DLG1: variants seen among roughly 807,000 people sequenced by gnomAD.
The protein encoded by DLG1 is discs large MAGUK scaffold protein 1.
In DLG1, 42 loss-of-function variants were observed where a neutral mutation model predicts 123.4. The observed-to-expected ratio is 0.34, with a 90% CI of 0.27 to 0.44. The LOEUF is 0.44. DLG1 is among the 20% of genes least tolerant of loss of function. DLG1 has a pLI of 1.00. For missense variants in DLG1, 942 were observed against 1,082.6 expected, an observed-to-expected ratio of 0.87 and a Z score of 1.82; for synonymous variants, 317 against 356.2, an observed-to-expected ratio of 0.89 and a Z score of 1.24.
intron 5 of DLG1, among the ~76,000 whole-genome samples, chr3:197,180,521 T>C (rs1003446375): frequency 1.3e-5 from 2 of 152,172 alleles, no homozygotes; most frequent in African/African-American, 4.8e-5. Context: ...CTGAAAAAGT[T>C]TCACCAATGT....
chr3:197,176,429 C>CTT (rs1283620585), intron 5 of DLG1, among the ~76,000 whole-genome samples: 1 of 152,106 alleles, frequency 6.6e-6, no homozygotes, highest in Non-Finnish European at 1.5e-5. Flanking sequence ...TACAGAATGG[C>CTT]TTTACTGTCC....
In DLG1 at chr3:197,136,606, T is replaced by C; in HGVS notation, c.956A>G (p.Lys319Arg). Residue 319 changes from lysine to arginine, a missense_variant, in exon 10 of 25, where the codon AAA (lysine) becomes AGA (arginine). Transcript: ENST00000667157. ...IPGDNSIYVTKIIEGGAAHKD... is the reference protein window; with the variant it reads ...IPGDNSIYVTRIIEGGAAHKD... The stretch of plus-strand genomic sequence containing the variant: ...ATGTGCTGCACCTCCTTCAATTATT[T>C]TGGTTACATAGATGCTATTATCCCC... The C allele has an allele frequency of 6.2e-7, 1 of 1,613,702 alleles. No individual in the cohort carries two copies. Among genetic ancestry groups the C allele is most frequent in the Non-Finnish European group, 8.5e-7 (1 of 1,179,778 alleles).
intron 5 of DLG1, among the ~76,000 whole-genome samples, chr3:197,169,381 T>A (rs111270647): frequency 9.9e-5 from 15 of 151,562 alleles, no homozygotes; most frequent in African/African-American, 3.7e-4. Flanking sequence ...ATTGGTGGCT[T>A]AAACTGAATG....
chr3:197,127,154 G>A (rs1779520143), intron 11 of DLG1, among the ~76,000 whole-genome samples: 1 of 151,770 alleles, frequency 6.6e-6, no homozygotes, highest in Admixed American at 6.6e-5. Context: ...CAGGTGCGGT[G>A]GCTCACGCCT....
intron 23 of DLG1, 41 bp downstream of exon 23, chr3:197,059,847 GA>G (rs1198190802): frequency 7.3e-7 from 1 of 1,361,668 alleles, no homozygotes; most frequent in Admixed American, 1.7e-5. Flanking sequence ...TACAGTGACT[GA>G]ATTTGTACAC....
chr3:197,056,942 G>T (rs1346969051), intron 23 of DLG1, among the ~76,000 whole-genome samples: 1 of 152,192 alleles, frequency 6.6e-6, no homozygotes, highest in Non-Finnish European at 1.5e-5. Flanking sequence ...GTACTTGTGA[G>T]ATTCTTCTAT....
At chr3:197,054,336 C>CCG (rs1730128309) in intron 23 of DLG1, among the ~76,000 whole-genome samples, 1 of 146,884 alleles carries the variant, frequency 6.8e-6, no homozygotes, top group Non-Finnish European at 1.5e-5. Context: ...TCTGCCTTCT[C>CCG]TCTATTCTCC....
At chr3:197,227,762 A>G (rs1433223556) in intron 4 of DLG1, among the ~76,000 whole-genome samples, 1 of 152,200 alleles carries the variant, frequency 6.6e-6, no homozygotes, top group South Asian at 2.1e-4. Context: ...ATGTAATTGT[A>G]TAAGGGGTGA....
intron 4 of DLG1, among the ~76,000 whole-genome samples, chr3:197,241,040 C>T (rs982202525): frequency 6.6e-6 from 1 of 151,758 alleles, no homozygotes; most frequent in Non-Finnish European, 1.5e-5. Context: ...TGTAAATATC[C>T]TAGTACAGGA....
intron 4 of DLG1, among the ~76,000 whole-genome samples, chr3:197,231,512 G>A (rs943283563): frequency 6.6e-6 from 1 of 151,910 alleles, no homozygotes; most frequent in African/African-American, 2.4e-5. Flanking sequence ...ACCAGCTTGG[G>A]CAACAGAGCG....
chr3:197,273,714 C>G (rs900166335), intron 4 of DLG1, among the ~76,000 whole-genome samples: 1 of 151,810 alleles, frequency 6.6e-6, no homozygotes, highest in Non-Finnish European at 1.5e-5. Context: ...AAAGGGGGGA[C>G]TTGTAAATAA....
At chr3:197,079,463 T>G (rs913535991) in intron 17 of DLG1, among the ~76,000 whole-genome samples, 1 of 152,190 alleles carries the variant, frequency 6.6e-6, no homozygotes, top group Non-Finnish European at 1.5e-5. Flanking sequence ...ATGCATAGTT[T>G]TGGTGCTGTG....
intron 23 of DLG1, among the ~76,000 whole-genome samples, 164 bp from the exon 24 acceptor site, chr3:197,051,832 AATT>A (rs1727956425): frequency 7.4e-6 from 1 of 135,846 alleles, no homozygotes; most frequent in Non-Finnish European, 1.6e-5. Context: ...CATTTCTGGG[AATT>A]TTTTTTTTTT....
intron 6 of DLG1, 117 bp from the exon 7 acceptor site, chr3:197,142,885 A>C: frequency 1.4e-6 from 1 of 699,830 alleles, no homozygotes. Flanking sequence ...GTAATCAAAC[A>C]CAATAGCTTC....
intron 4 of DLG1, among the ~76,000 whole-genome samples, chr3:197,243,790 A>G (rs1359258809): frequency 4.6e-5 from 7 of 152,206 alleles, no homozygotes; most frequent in Non-Finnish European, 8.8e-5. Flanking sequence ...CCAGAATAAC[A>G]TGGACTCAGA....
At chr3:197,066,571 G>A in intron 20 of DLG1, 133 bp downstream of exon 20, 1 of 513,858 alleles carries the variant, frequency 1.9e-6, no homozygotes, top group Non-Finnish European at 3.5e-6. Context: ...AACACATGTA[G>A]TAAATTTCTA....
intron 4 of DLG1, among the ~76,000 whole-genome samples, chr3:197,208,113 GA>G (rs58523246): frequency 0.52 from 71,993 of 139,514 alleles, 21,812 homozygotes; most frequent in East Asian, 0.78. Context: ...ACAATTTAGA[GA>G]AAAAAAAAAA....
chr3:197,208,332 A>AATTTAT (rs1729668989), intron 4 of DLG1, among the ~76,000 whole-genome samples: 3 of 146,664 alleles, frequency 2.0e-5, no homozygotes, highest in African/African-American at 7.3e-5. Context: ...CTACCTCTAT[A>AATTTAT]AAAGGACAAT....
chr3:197,214,215 A>T (rs759255163), intron 4 of DLG1, among the ~76,000 whole-genome samples: 4 of 152,174 alleles, frequency 2.6e-5, no homozygotes, highest in Non-Finnish European at 5.9e-5. Flanking sequence ...TAGATCACAG[A>T]CCTAAATATA....
Sources: allele counts gnomAD v4.1 joint callset (sites outside exome capture counted in the v4.1 genomes callset), GRCh38; gene constraint gnomAD v4.1.1; transcripts MANE v1.5; gene names NCBI Gene and HGNC (gene_info 2026-07-23, HGNC 2026-07-21).